ADGB: variants seen among roughly 807,000 people sequenced by gnomAD.
The protein encoded by ADGB is calpain-7-like protein.
In ADGB, 172 loss-of-function variants were observed where a neutral mutation model predicts 210.5. The ratio of observed to expected loss-of-function variants is 0.82; its 90% CI spans 0.72 to 0.93. The LOEUF is 0.93. Ranked by LOEUF, ADGB falls within the 40% of genes least tolerant of loss-of-function variation. ADGB has a pLI of 0.00. For synonymous variants in ADGB, 658 were observed against 662.7 expected, an observed-to-expected ratio of 0.99 and a Z score of 0.11; for missense variants, 2,025 against 1,964.8, an observed-to-expected ratio of 1.03 and a Z score of -0.58.
chr6:146,630,570 A>C (rs529247798), intron 1 of ADGB, among the ~76,000 whole-genome samples: 14 of 150,266 alleles, frequency 9.3e-5, no homozygotes, highest in African/African-American at 2.5e-4. Flanking sequence ...AACAAACAAA[A>C]AAAGAATAAG....
Position 146,749,616 on chromosome 6 carries a change from A to G in ADGB, c.3366-2914A>G, listed in dbSNP as rs148488037. On this transcript the variant is annotated intron_variant, in intron 26 of 35. Coordinates refer to ENST00000397944, the MANE Select transcript of ADGB (RefSeq NM_024694.4). Reference sequence around the variant, plus strand: ...ACAAACTCCTTGAAACCTTGGCAAGAGTAGCTTTAGCACCTGGTGTGTTAG... The same window carrying G: ...ACAAACTCCTTGAAACCTTGGCAAGGGTAGCTTTAGCACCTGGTGTGTTAG... Among the ~76,000 whole-genome samples the G allele has an allele frequency of 3.3e-4, 51 of 152,274 alleles. No homozygotes were observed. In the East Asian group the frequency reaches 8.7e-3, roughly 26 times the overall value.
chr6:146,753,656 G>T (rs1163345601), intron 27 of ADGB, among the ~76,000 whole-genome samples: 2 of 151,758 alleles, frequency 1.3e-5, no homozygotes, highest in Admixed American at 6.6e-5. Context: ...TTAGTTATTT[G>T]TTGTTGTTGT....
chr6:146,600,356 A>G, intron 1 of ADGB: 1 of 274,084 alleles, frequency 3.6e-6, no homozygotes, highest in Non-Finnish European at 7.7e-6. Flanking sequence ...GACGCCCTTC[A>G]GAATCAGGCC....
chr6:146,666,466 A>C (rs1202073908), intron 6 of ADGB, among the ~76,000 whole-genome samples: 1 of 152,064 alleles, frequency 6.6e-6, no homozygotes, highest in Non-Finnish European at 1.5e-5. Context: ...GAATGATAAA[A>C]GAGACTGTTC....
chr6:146,691,135 T>A lies in ADGB; in HGVS notation c.1331T>A (p.Leu444His). The change falls in exon 11 of 36, where the codon CTT (leucine) becomes CAT (histidine). Residue 444 changes from leucine to histidine, a missense_variant. By Grantham distance (99) the Leu-to-His change is moderately conservative. Transcript: ENST00000397944. The stretch of plus-strand genomic sequence containing the variant: ...TTCTAGGCAGATTCTGCTGAGAAAC[T>A]TAGAGAATATGGGCTTTCCCACATC... Reference protein sequence around the residue: ...LEKMADSAEKLREYGLSHICS... With the variant: ...LEKMADSAEKHREYGLSHICS... The A allele has an allele frequency of 1.3e-6, 2 of 1,534,326 alleles. No individual in the cohort carries two copies. Among genetic ancestry groups the A allele is most frequent in the East Asian group, 2.5e-5 (1 of 40,586 alleles).
chr6:146,763,857 T>C, intron 27 of ADGB, 44 bp from the exon 28 acceptor site: 2 of 1,470,320 alleles, frequency 1.4e-6, no homozygotes. Context: ...AATAACTATG[T>C]ATATCACATA....
At chr6:146,599,154 C>T in intron 1 of ADGB, 40 bp downstream of exon 1, 1 of 1,524,496 alleles carries the variant, frequency 6.6e-7, no homozygotes, top group African/African-American at 1.4e-5. Flanking sequence ...CCTGGCCTAG[C>T]CCCTCGACCT....
At position 146,745,907 on chromosome 6, in the gene ADGB, T is replaced by C. The variant is rs780529234; in HGVS notation, c.3178-15T>C. On this transcript the variant is annotated splice_polypyrimidine_tract_variant and intron_variant, in intron 25 of 35. Coordinates refer to ENST00000397944, the MANE Select transcript of ADGB (RefSeq NM_024694.4). ...ACGACATAATTCATTTCTGTGTAAT[T>C]TGTCTTTCTTATAGAAGGGATACAC... 67 of 1,525,514 alleles carry C rather than the reference T, an allele frequency of 4.4e-5. No homozygotes were observed. The highest frequency in any genetic ancestry group is 1.9e-4 in the Admixed American group (9 of 48,224). The allele number at this position is 1,525,514 out of a possible 1,614,324, so 94.5% of individuals were successfully genotyped here.
chr6:146,660,400 G>C (rs140925278), intron 5 of ADGB, among the ~76,000 whole-genome samples: 1 of 151,950 alleles, frequency 6.6e-6, no homozygotes, highest in South Asian at 2.1e-4. Context: ...AAAGTTCCCC[G>C]TAATTTTACC....
chr6:146,665,165 A>G (rs1434002655), intron 6 of ADGB, among the ~76,000 whole-genome samples: 1 of 152,020 alleles, frequency 6.6e-6, no homozygotes, highest in African/African-American at 2.4e-5. Context: ...TTAACAGTAC[A>G]TGTTAGAGAT....
At chr6:146,707,119 T>C (rs1433579171) in intron 13 of ADGB, among the ~76,000 whole-genome samples, 2 of 152,150 alleles carry the variant, frequency 1.3e-5, no homozygotes, top group African/African-American at 4.8e-5. Flanking sequence ...AGCACATTGT[T>C]TAGTTTCCAT....
rs1009601083 is a variant in ADGB, at chr6:146,764,066, C to T, written c.3716C>T (p.Pro1239Leu). ...GTGGAGGAGGAAACTACCAGTACACCCACTAGAGAAGACAGTTCCAGCACA... is the reference window on the plus strand; with the variant it reads ...GTGGAGGAGGAAACTACCAGTACACTCACTAGAGAAGACAGTTCCAGCACA... Reference protein sequence around the residue: ...PLVEEETTSTPTREDSSSTPL... With the variant: ...PLVEEETTSTLTREDSSSTPL... Residue 1239 changes from proline to leucine, a missense_variant, in exon 28 of 36, where the codon CCC becomes CTC. Coordinates refer to ENST00000397944, the MANE Select transcript of ADGB (RefSeq NM_024694.4). 3 of 1,550,488 alleles carry T rather than the reference C, an allele frequency of 1.9e-6. No individual in the cohort carries two copies. The highest frequency in any genetic ancestry group is 1.4e-5 in the African/African-American group (1 of 72,958).
At chr6:146,599,281 C>T (rs1780516704) in intron 1 of ADGB, among the ~76,000 whole-genome samples, 167 bp downstream of exon 1, 1 of 152,178 alleles carries the variant, frequency 6.6e-6, no homozygotes, top group Non-Finnish European at 1.5e-5. Context: ...TCGCTCTCAT[C>T]CTTCTCTCTT....
chr6:146,600,903 T>G (rs946544283), intron 1 of ADGB, among the ~76,000 whole-genome samples: 13 of 146,554 alleles, frequency 8.9e-5, no homozygotes, highest in African/African-American at 2.8e-4. Flanking sequence ...CAAAAGAATT[T>G]TGAGTACACC....
intron 1 of ADGB, among the ~76,000 whole-genome samples, chr6:146,624,722 T>A (rs1780948213): frequency 6.6e-6 from 1 of 151,980 alleles, no homozygotes. Flanking sequence ...TTTCGTCCTA[T>A]AAATTTCACC....
chr6:146,702,914 C>T (rs1311199165), intron 13 of ADGB, among the ~76,000 whole-genome samples: 1 of 151,762 alleles, frequency 6.6e-6, no homozygotes, highest in Non-Finnish European at 1.5e-5. Context: ...AAGATTACAC[C>T]CAGGTTGTAT....
intron 1 of ADGB, among the ~76,000 whole-genome samples, chr6:146,627,010 C>A (rs1186377679): frequency 6.6e-6 from 1 of 151,904 alleles, no homozygotes; most frequent in Non-Finnish European, 1.5e-5. Context: ...GTCTAATCCA[C>A]CATTAATACT....
At chr6:146,760,212 A>G (rs1218445092) in intron 27 of ADGB, among the ~76,000 whole-genome samples, 6 of 151,810 alleles carry the variant, frequency 4.0e-5, no homozygotes, top group Non-Finnish European at 7.4e-5. Flanking sequence ...CTAACAAGGT[A>G]TCAAATATTT....
At chr6:146,683,200 C>A (rs1776180747) in intron 9 of ADGB, among the ~76,000 whole-genome samples, 1 of 152,070 alleles carries the variant, frequency 6.6e-6, no homozygotes, top group Admixed American at 6.6e-5. Flanking sequence ...AAATAAACTT[C>A]TGTTCTTTAA....
Sources: allele counts gnomAD v4.1 joint callset (sites outside exome capture counted in the v4.1 genomes callset), GRCh38; gene constraint gnomAD v4.1.1; transcripts MANE v1.5; gene names NCBI Gene and HGNC (gene_info 2026-07-23, HGNC 2026-07-21).